The following AGBL4 variants were observed in gnomAD, a reference collection of about 807,000 sequenced individuals.
AGBL4 encodes the protein AGBL carboxypeptidase 4, also known as cytosolic carboxypeptidase 6.
In AGBL4, 58 loss-of-function variants were observed where a neutral mutation model predicts 66.4. That is an observed-to-expected ratio of 0.87 (90% CI 0.71 to 1.09). The LOEUF (loss-of-function observed/expected upper bound fraction) is 1.09. Among genes scored for constraint, AGBL4 ranks in the 50% least tolerant of loss-of-function variants. The pLI is 0.00. For missense variants in AGBL4, 579 were observed against 631.0 expected, an observed-to-expected ratio of 0.92 and a Z score of 0.88; for synonymous variants, 234 against 222.9, an observed-to-expected ratio of 1.05 and a Z score of -0.44.
In AGBL4 at chr1:48,830,861, A is replaced by T. The variant is rs540493444; in HGVS notation, c.634+36330T>A. On this transcript the variant is annotated intron_variant, in intron 6 of 13. Transcript: ENST00000371839. ...TTTTTTTAAACGTAAAAGTTCATTC[A>T]TCTAACAAATATTGCTGAGGGCCTG... 1.8e-3 allele frequency among the ~76,000 whole-genome samples: 270 copies of T among 152,322 alleles called. 1 individual carries two copies. Among genetic ancestry groups the T allele is most frequent in the African/African-American group, 5.8e-3 (241 of 41,576 alleles).
rs568895538 is a variant in AGBL4 at position 48,813,920 on chromosome 1, T to A, written c.634+53271A>T. ...TTCATTTTAGTTCAGCTCAGCTCAG[T>A]CATGTTATGCACTGGGATTTGGAGC... On this transcript the variant is annotated intron_variant, in intron 6 of 13. Coordinates refer to ENST00000371839, the MANE Select transcript of AGBL4 (RefSeq NM_032785.4). 3.8e-4 allele frequency among the ~76,000 whole-genome samples: 57 copies of A among 151,960 alleles called. 1 individual carries two copies. In the South Asian group the frequency reaches 0.012, roughly 32 times the overall value.
At chr1:48,568,446 G>T (rs2148311144) in intron 11 of AGBL4, among the ~76,000 whole-genome samples, 1 of 152,258 alleles carries the variant, frequency 6.6e-6, no homozygotes, top group African/African-American at 2.4e-5. Flanking sequence ...CTGGGGTAGA[G>T]CTGAAGTGGC....
intron 11 of AGBL4, among the ~76,000 whole-genome samples, chr1:48,562,336 T>C (rs1644409472): frequency 6.6e-6 from 1 of 152,214 alleles, no homozygotes; most frequent in African/African-American, 2.4e-5. Flanking sequence ...TTCAGAGCAG[T>C]GAGGTGCCTG....
At chr1:49,871,323 A>G (rs180835078) in intron 1 of AGBL4, among the ~76,000 whole-genome samples, 4 of 152,172 alleles carry the variant, frequency 2.6e-5, no homozygotes, top group Admixed American at 2.6e-4. Context: ...AGACAGATTT[A>G]ATTGGCCCCA....
chr1:50,003,088 T>C (rs1288471235), intron 1 of AGBL4, among the ~76,000 whole-genome samples: 1 of 152,208 alleles, frequency 6.6e-6, no homozygotes, highest in Non-Finnish European at 1.5e-5. Flanking sequence ...TCATGTCTGA[T>C]ATAAATTTGC....
intron 4 of AGBL4, among the ~76,000 whole-genome samples, chr1:49,213,484 G>A (rs537799855): frequency 6.6e-6 from 1 of 151,920 alleles, no homozygotes; most frequent in Non-Finnish European, 1.5e-5. Context: ...CTGTTTGAAA[G>A]TGTGTGACAC....
intron 6 of AGBL4, among the ~76,000 whole-genome samples, chr1:48,686,539 G>A (rs1646534336): frequency 6.6e-6 from 1 of 152,184 alleles, no homozygotes; most frequent in African/African-American, 2.4e-5. Context: ...TGAACGAGTA[G>A]AAAGATAACA....
At chr1:49,797,653 T>C (rs949614497) in intron 2 of AGBL4, among the ~76,000 whole-genome samples, 1 of 152,146 alleles carries the variant, frequency 6.6e-6, no homozygotes, top group Non-Finnish European at 1.5e-5. Flanking sequence ...CTATGTTGCC[T>C]ATACTGGTCT....
At chr1:49,964,815 T>C (rs1484060646) in intron 1 of AGBL4, among the ~76,000 whole-genome samples, 1 of 152,190 alleles carries the variant, frequency 6.6e-6, no homozygotes, top group Non-Finnish European at 1.5e-5. Context: ...ATTATTATTA[T>C]TGACTATGGT....
intron 6 of AGBL4, among the ~76,000 whole-genome samples, chr1:48,718,357 G>A (rs1267355251): frequency 1.3e-5 from 2 of 152,218 alleles, no homozygotes; most frequent in Admixed American, 1.3e-4. Context: ...CTCTCCAAGA[G>A]ATTGGAGCCA....
intron 5 of AGBL4, among the ~76,000 whole-genome samples, chr1:48,929,481 T>A (rs1654860805): frequency 6.6e-6 from 1 of 152,184 alleles, no homozygotes; most frequent in Non-Finnish European, 1.5e-5. Context: ...AATCACTTCC[T>A]CAGGAGTGTA....
chr1:48,874,745 G>A (rs1421372677), intron 5 of AGBL4, among the ~76,000 whole-genome samples: 2 of 152,118 alleles, frequency 1.3e-5, no homozygotes, highest in African/African-American at 4.8e-5. Flanking sequence ...CTGGAGGAAG[G>A]AGTGGGGAGG....
chr1:49,070,131 G>A (rs1002294763), intron 4 of AGBL4, among the ~76,000 whole-genome samples: 1 of 151,810 alleles, frequency 6.6e-6, no homozygotes, highest in African/African-American at 2.4e-5. Flanking sequence ...GGAGATTTTG[G>A]GCTGAGACAA....
At chr1:49,374,882 C>T (rs919935290) in intron 3 of AGBL4, among the ~76,000 whole-genome samples, 1 of 152,120 alleles carries the variant, frequency 6.6e-6, no homozygotes, top group African/African-American at 2.4e-5. Flanking sequence ...TACAGTTAAA[C>T]CTATCCAGTA....
At chr1:49,154,171 A>G (rs535018624) in intron 4 of AGBL4, among the ~76,000 whole-genome samples, 1 of 152,048 alleles carries the variant, frequency 6.6e-6, no homozygotes, top group African/African-American at 2.4e-5. Flanking sequence ...AACGTTGTCT[A>G]TGGGTGAAGG....
chr1:49,340,358 A>G (rs1181767215), intron 3 of AGBL4, among the ~76,000 whole-genome samples: 1 of 152,180 alleles, frequency 6.6e-6, no homozygotes, highest in African/African-American at 2.4e-5. Flanking sequence ...CAAGCTGTTC[A>G]TAGCCCTTTT....
intron 6 of AGBL4, among the ~76,000 whole-genome samples, chr1:48,781,842 A>G (rs535673661): frequency 1.1e-4 from 17 of 152,276 alleles, no homozygotes; most frequent in Non-Finnish European, 2.2e-4. Flanking sequence ...CTTCTGCCCA[A>G]ACATCTTCAT....
At chr1:49,662,916 C>A (rs1234948132) in intron 3 of AGBL4, among the ~76,000 whole-genome samples, 1 of 152,070 alleles carries the variant, frequency 6.6e-6, no homozygotes, top group East Asian at 1.9e-4. Context: ...AACTGCAAAT[C>A]TGTGTAGAAG....
chr1:48,746,885 G>C (rs1557938099), intron 6 of AGBL4, among the ~76,000 whole-genome samples: 3 of 152,202 alleles, frequency 2.0e-5, no homozygotes. Flanking sequence ...TCAATCAACA[G>C]AGCGCAATGT....
Sources: gnomAD v4.1 joint callset for allele counts (sites outside exome capture counted in the v4.1 genomes callset) on GRCh38, gnomAD v4.1.1 for gene constraint, MANE v1.5 for transcripts, NCBI Gene and HGNC (gene_info 2026-07-23, HGNC 2026-07-21) for gene names.